The following ERO1A variants were observed in gnomAD, a reference collection of about 807,000 sequenced individuals.
ERO1A encodes endoplasmic reticulum oxidoreductase 1 alpha.
Under a neutral mutation model 76.9 loss-of-function variants are expected in ERO1A, and 49 were observed. That is an observed-to-expected ratio of 0.64 (90% confidence interval 0.51 to 0.81). ERO1A has a LOEUF of 0.81. Among genes scored for constraint, ERO1A ranks in the 30% least tolerant of loss-of-function variants. The pLI is 0.00. For missense variants in ERO1A, 448 were observed against 542.1 expected (o/e 0.83, Z 1.72); for synonymous variants, 174 against 181.2 (o/e 0.96, Z 0.32).
chr14:52,647,222 G>A (rs1481843141), intron 13 of ERO1A: 2 of 123,628 alleles, frequency 1.6e-5, no homozygotes, highest in African/African-American at 6.2e-5. Context: ...GGATGGTCTC[G>A]ATCTCCTGAC....
intron 1 of ERO1A, among the ~76,000 whole-genome samples, chr14:52,684,427 G>C (rs1570255): frequency 0.15 from 22,091 of 151,974 alleles, 1,831 homozygotes; most frequent in African/African-American, 0.23. Context: ...TTCTTGGGGG[G>C]CAAAAAAAGA....
intron 11 of ERO1A, among the ~76,000 whole-genome samples, chr14:52,654,059 A>G (rs558352693): frequency 4.3e-4 from 65 of 152,258 alleles, no homozygotes; most frequent in African/African-American, 1.5e-3. Context: ...TGACAAATTT[A>G]CTAGAAAACT....
At chr14:52,684,017 T>C (rs1027997650) in intron 1 of ERO1A, 110 bp from the exon 2 acceptor site, 10 of 684,904 alleles carry the variant, frequency 1.5e-5, no homozygotes, top group Non-Finnish European at 2.4e-5. Context: ...GTCCTTATCC[T>C]CCCTCCTCCC....
intron 11 of ERO1A, among the ~76,000 whole-genome samples, chr14:52,654,930 T>C (rs7151443): frequency 0.42 from 63,542 of 152,038 alleles, 13,960 homozygotes; most frequent in Middle Eastern, 0.55. Context: ...ATTTAATGCA[T>C]TCAAAAATTG....
At chr14:52,678,195 C>G (rs971294616) in intron 4 of ERO1A, 9 of 302,440 alleles carry the variant, frequency 3.0e-5, no homozygotes, top group Non-Finnish European at 5.4e-5. Flanking sequence ...ACCGGGGAGG[C>G]GGAGGTTGCA....
In ERO1A at chr14:52,666,527, T is replaced by C. The variant is rs768857626; in HGVS notation, c.509-32A>G. The C allele has an allele frequency of 3.2e-6, 5 of 1,571,910 alleles. No homozygotes were observed. In the East Asian group the frequency reaches 1.1e-4, roughly 36 times the overall value. On this transcript the variant is annotated intron_variant, in intron 6 of 15. Coordinates refer to ENST00000395686, the MANE Select transcript of ERO1A (RefSeq NM_014584.3). The stretch of plus-strand genomic sequence containing the variant: ...AATAAAATGTCTTATTAAACCTTTC[T>C]TATCCTCAGTTACCTTAAAAAGCTA...
At chr14:52,687,079 G>C (rs775273712) in intron 1 of ERO1A, among the ~76,000 whole-genome samples, 9 of 152,138 alleles carry the variant, frequency 5.9e-5, no homozygotes, top group Non-Finnish European at 1.3e-4. Flanking sequence ...CCTGATCCCT[G>C]GGAGAGAGTC....
At chr14:52,672,687 T>G (rs1039971009) in intron 4 of ERO1A, among the ~76,000 whole-genome samples, 1 of 151,216 alleles carries the variant, frequency 6.6e-6, no homozygotes, top group Non-Finnish European at 1.5e-5. Context: ...GCAGGATTGC[T>G]TGAGCCCAGG....
In ERO1A at chr14:52,653,317, TAAGAAGGAAG is replaced by T; in HGVS notation, c.809-12_809-3del. 6.3e-7 allele frequency: 1 copy of T among 1,575,290 alleles called. No individual in the cohort carries two copies. Among genetic ancestry groups the T allele is most frequent in the Non-Finnish European group, 8.6e-7 (1 of 1,165,422 alleles). On this transcript the variant is annotated splice_polypyrimidine_tract_variant and splice_region_variant and intron_variant, in intron 11 of 15. Coordinates refer to ENST00000395686, the MANE Select transcript of ERO1A (RefSeq NM_014584.3). ...CCCATTTCTTTTCTAACCAGGTCTC[TAAGAAGGAAG>T]AAGAATTAAATATTAAAAACTGAAT...
At chr14:52,654,123 A>G (rs931605940) in intron 11 of ERO1A, among the ~76,000 whole-genome samples, 2 of 152,094 alleles carry the variant, frequency 1.3e-5, no homozygotes, top group Non-Finnish European at 2.9e-5. Flanking sequence ...TATTAAATTC[A>G]TTACTGTAAA....
At chr14:52,661,735 T>C (rs889515187) in intron 8 of ERO1A, among the ~76,000 whole-genome samples, 1 of 152,168 alleles carries the variant, frequency 6.6e-6, no homozygotes, top group Non-Finnish European at 1.5e-5. Flanking sequence ...CCTGGCCTTA[T>C]AATATTTAAC....
At chr14:52,666,896 G>A (rs956035725) in intron 6 of ERO1A, among the ~76,000 whole-genome samples, 1 of 152,092 alleles carries the variant, frequency 6.6e-6, no homozygotes, top group Admixed American at 6.6e-5. Context: ...GCGCCACTGT[G>A]CTCCAGCTTG....
rs1250585824 is a variant in ERO1A, at chr14:52,646,296, G to A, written c.1213-9C>T. ...GTGCCCAAACCCTGAGTCTGTAATA[G>A]AAATAAGGAAAAAAGAAAAATTAGA... is the stretch of plus-strand genomic sequence containing the variant. On this transcript the variant is annotated splice_polypyrimidine_tract_variant and intron_variant, in intron 14 of 15. Coordinates refer to ENST00000395686, the MANE Select transcript of ERO1A (RefSeq NM_014584.3). 1.3e-6 allele frequency: 2 copies of A among 1,598,738 alleles called. No individual in the cohort carries two copies. Among genetic ancestry groups the A allele is most frequent in the Non-Finnish European group, 8.5e-7 (1 of 1,175,870 alleles).
At chr14:52,689,940 C>A (rs1209994745) in intron 1 of ERO1A, among the ~76,000 whole-genome samples, 1 of 152,096 alleles carries the variant, frequency 6.6e-6, no homozygotes, top group Admixed American at 6.6e-5. Flanking sequence ...CATACATAGA[C>A]CAATGGAAAA....
intron 1 of ERO1A, among the ~76,000 whole-genome samples, chr14:52,687,485 T>C (rs562848237): frequency 1.3e-5 from 2 of 152,128 alleles, no homozygotes; most frequent in Non-Finnish European, 2.9e-5. Flanking sequence ...ATACAGTTAA[T>C]AGACACAGAA....
intron 13 of ERO1A, 61 bp from the exon 14 acceptor site, chr14:52,646,522 T>G (rs1163168477): frequency 7.5e-7 from 1 of 1,338,342 alleles, no homozygotes; most frequent in Admixed American, 1.9e-5. Context: ...GTAAGTATTT[T>G]CTGAGCAGGT....
chr14:52,682,714 C>A (rs927165981), intron 2 of ERO1A, among the ~76,000 whole-genome samples: 23 of 151,950 alleles, frequency 1.5e-4, no homozygotes, highest in Admixed American at 1.5e-3. Context: ...GCCTGGCCAA[C>A]GTGGCGAAAC....
At chr14:52,677,362 C>A (rs1220742049) in intron 4 of ERO1A, among the ~76,000 whole-genome samples, 1 of 151,850 alleles carries the variant, frequency 6.6e-6, no homozygotes, top group East Asian at 1.9e-4. Context: ...TAATATATAT[C>A]AAAAAAATGA....
chr14:52,683,041 C>T (rs1455497271), intron 2 of ERO1A, among the ~76,000 whole-genome samples: 1 of 151,926 alleles, frequency 6.6e-6, no homozygotes, highest in African/African-American at 2.4e-5. Context: ...AACCCCATCT[C>T]CACTAAAAAT....
Sources: allele counts gnomAD v4.1 joint callset (sites outside exome capture counted in the v4.1 genomes callset), GRCh38; gene constraint gnomAD v4.1.1; transcripts MANE v1.5; gene names NCBI Gene and HGNC (gene_info 2026-07-23, HGNC 2026-07-21).